The following MAPKAP1 variants were observed in gnomAD, a reference collection of about 807,000 sequenced individuals.
The protein encoded by MAPKAP1 is MAPK associated protein 1.
In MAPKAP1, 20 loss-of-function variants were observed where a neutral mutation model predicts 65.7. That is an observed-to-expected ratio of 0.30 (90% confidence interval 0.21 to 0.44). MAPKAP1 has a LOEUF of 0.44. MAPKAP1 is among the 20% of genes least tolerant of loss of function. MAPKAP1 has a pLI of 1.00. For synonymous variants in MAPKAP1, 222 were observed against 244.3 expected (o/e 0.91, Z 0.85); for missense variants, 423 against 648.0 (o/e 0.65, Z 3.77).
chr9:125,538,553 G>T (rs760653167), intron 7 of MAPKAP1, among the ~76,000 whole-genome samples: 3 of 151,698 alleles, frequency 2.0e-5, no homozygotes, highest in Non-Finnish European at 4.4e-5. Context: ...TGGGGTGGGG[G>T]GTTAAGTAAA....
chr9:125,520,058 T>C (rs531499044), intron 7 of MAPKAP1, among the ~76,000 whole-genome samples: 15 of 152,256 alleles, frequency 9.9e-5, no homozygotes, highest in African/African-American at 3.4e-4. Context: ...CCAGACTCCT[T>C]GGGTGTGAAG....
intron 7 of MAPKAP1, among the ~76,000 whole-genome samples, chr9:125,523,560 T>C (rs1048690310): frequency 3.9e-5 from 6 of 152,214 alleles, no homozygotes; most frequent in African/African-American, 1.4e-4. Context: ...AGTATCTCAG[T>C]CTTTCTAGAC....
intron 7 of MAPKAP1, among the ~76,000 whole-genome samples, chr9:125,506,698 T>G (rs1829152361): frequency 6.6e-6 from 1 of 152,206 alleles, no homozygotes. Flanking sequence ...ACTTCTCAGA[T>G]ATGAGCAGGT....
At chr9:125,489,797 G>T (rs908075186) in intron 8 of MAPKAP1, among the ~76,000 whole-genome samples, 1 of 152,142 alleles carries the variant, frequency 6.6e-6, no homozygotes, top group Admixed American at 6.6e-5. Flanking sequence ...AAGGTGCTGG[G>T]AGGCAGCCTT....
At chr9:125,694,978 ATC>A (rs1477454402) in intron 1 of MAPKAP1, among the ~76,000 whole-genome samples, 3 of 152,298 alleles carry the variant, frequency 2.0e-5, no homozygotes, top group Middle Eastern at 3.4e-3. Flanking sequence ...GGATAGATAA[ATC>A]TCTGTCATAG....
At chr9:125,600,239 C>A (rs1203501648) in intron 4 of MAPKAP1, among the ~76,000 whole-genome samples, 1 of 150,430 alleles carries the variant, frequency 6.6e-6, no homozygotes, top group African/African-American at 2.4e-5. Flanking sequence ...AAAGGCCAGT[C>A]CACTCCGTAT....
intron 5 of MAPKAP1, chr9:125,565,650 G>C: frequency 2.5e-6 from 1 of 393,580 alleles, no homozygotes; most frequent in Non-Finnish European, 4.9e-6. Context: ...AGGTGATCAA[G>C]ATTTCCTTTT....
rs1554831094 is a variant in MAPKAP1 at position 125,615,925 on chromosome 9, AAAAAG to A, written c.499-30203_499-30199del. ...TGGGACTCCGTCTCAGAAAAAAAAAAAAAAGAAAAGAAAAGAGAAAAGGAGGTTGA... is the reference window on the plus strand; with the variant it reads ...TGGGACTCCGTCTCAGAAAAAAAAAAAAAAGAAAAGAGAAAAGGAGGTTGA... On this transcript the variant is annotated intron_variant, in intron 4 of 11. Coordinates refer to ENST00000265960, the MANE Select transcript of MAPKAP1 (RefSeq NM_001006617.3). 1.2e-3 allele frequency among the ~76,000 whole-genome samples: 187 copies of A among 152,230 alleles called. 1 individual carries two copies. The highest frequency in any genetic ancestry group is 4.3e-3 in the African/African-American group (180 of 41,546).
At chr9:125,476,029 A>G (rs959677976) in intron 9 of MAPKAP1, among the ~76,000 whole-genome samples, 1 of 152,208 alleles carries the variant, frequency 6.6e-6, no homozygotes, top group Non-Finnish European at 1.5e-5. Context: ...CAGCCACCTG[A>G]GGAACCTGAC....
chr9:125,689,455 A>AC (rs1835096297), intron 1 of MAPKAP1, among the ~76,000 whole-genome samples: 1 of 144,700 alleles, frequency 6.9e-6, no homozygotes, highest in Non-Finnish European at 1.5e-5. Context: ...AAAAAAAAAA[A>AC]AAAAAAACAG....
At chr9:125,488,074 C>T (rs1007126234) in intron 8 of MAPKAP1, among the ~76,000 whole-genome samples, 5 of 152,174 alleles carry the variant, frequency 3.3e-5, no homozygotes, top group Admixed American at 2.0e-4. Context: ...ACTTACATAG[C>T]TGGAGCTGGC....
At chr9:125,487,706 T>C (rs925597972) in intron 8 of MAPKAP1, among the ~76,000 whole-genome samples, 4 of 151,152 alleles carry the variant, frequency 2.6e-5, no homozygotes, top group East Asian at 1.9e-4. Flanking sequence ...ACGTGACATA[T>C]AATTTTTTAC....
At chr9:125,533,418 A>G (rs144698050) in intron 7 of MAPKAP1, among the ~76,000 whole-genome samples, 1 of 151,942 alleles carries the variant, frequency 6.6e-6, no homozygotes, top group Non-Finnish European at 1.5e-5. Context: ...GCATTCTCAC[A>G]TACTCTTGGA....
At chr9:125,695,396 C>T (rs1193486155) in intron 1 of MAPKAP1, among the ~76,000 whole-genome samples, 1 of 152,120 alleles carries the variant, frequency 6.6e-6, no homozygotes. Flanking sequence ...AATATGACAA[C>T]ATGGTCACCT....
intron 4 of MAPKAP1, among the ~76,000 whole-genome samples, chr9:125,592,201 G>C (rs545192430): frequency 6.6e-6 from 1 of 152,176 alleles, no homozygotes; most frequent in African/African-American, 2.4e-5. Context: ...TTAAGAAGGG[G>C]AAAGTCCAGT....
chr9:125,570,262 T>C (rs1206139458), intron 5 of MAPKAP1, among the ~76,000 whole-genome samples: 3 of 152,080 alleles, frequency 2.0e-5, no homozygotes, highest in Non-Finnish European at 4.4e-5. Context: ...AGTCCAAGAG[T>C]CTCAAATGGT....
Position 125,646,147 on chromosome 9 carries a change from A to G in MAPKAP1, c.498+11504T>C, listed in dbSNP as rs184047959. On this transcript the variant is annotated intron_variant, in intron 4 of 11. Coordinates refer to ENST00000265960, the MANE Select transcript of MAPKAP1 (RefSeq NM_001006617.3). ...TTAAAGAAATGCTTTTCCTGTGTCA[A>G]TCTGAGAACCACCTCAAAGCCTTTG... Among the ~76,000 whole-genome samples, 300 of 152,252 alleles carry G rather than the reference A, an allele frequency of 2.0e-3. 3 individuals carry two copies. The highest frequency in any genetic ancestry group is 6.9e-3 in the African/African-American group (288 of 41,536).
At chr9:125,510,658 T>G (rs1829269551) in intron 7 of MAPKAP1, among the ~76,000 whole-genome samples, 1 of 152,196 alleles carries the variant, frequency 6.6e-6, no homozygotes, top group African/African-American at 2.4e-5. Context: ...GGAAACCCAC[T>G]TCTGAACTTA....
intron 1 of MAPKAP1, among the ~76,000 whole-genome samples, chr9:125,703,843 C>T (rs1169608763): frequency 2.6e-5 from 4 of 151,722 alleles, no homozygotes; most frequent in Non-Finnish European, 5.9e-5. Context: ...CAACTGCGTC[C>T]GTAACAGTAA....
Sources: allele counts gnomAD v4.1 joint callset (sites outside exome capture counted in the v4.1 genomes callset), GRCh38; gene constraint gnomAD v4.1.1; transcripts MANE v1.5; gene names NCBI Gene and HGNC (gene_info 2026-07-23, HGNC 2026-07-21).